The following PARM1 variants were observed in gnomAD, a reference collection of about 807,000 sequenced individuals.
PARM1 encodes the protein prostate androgen-regulated mucin-like protein 1.
Under a neutral mutation model 24.6 loss-of-function variants are expected in PARM1, and 14 were observed. The observed-to-expected ratio is 0.57, with a 90% CI of 0.38 to 0.89. The LOEUF is 0.89. PARM1 is among the 40% of genes least tolerant of loss of function. PARM1 has a pLI of 0.00. For synonymous variants in PARM1, 179 were observed against 156.6 expected, an observed-to-expected ratio of 1.14 and a Z score of -1.07; for missense variants, 362 against 380.4, an observed-to-expected ratio of 0.95 and a Z score of 0.40.
At chr4:74,983,262 C>T (rs2109773815) in intron 1 of PARM1, among the ~76,000 whole-genome samples, 1 of 152,252 alleles carries the variant, frequency 6.6e-6, no homozygotes, top group South Asian at 2.1e-4. Flanking sequence ...ATAGGTTTTT[C>T]AGAAAACTAA....
chr4:74,955,779 A>C (rs1452646491), intron 1 of PARM1, among the ~76,000 whole-genome samples: 1 of 152,256 alleles, frequency 6.6e-6, no homozygotes, highest in Non-Finnish European at 1.5e-5. Context: ...CAGAATGCTC[A>C]GGTATGTCAG....
chr4:75,010,754 A>G (rs1212709044), intron 1 of PARM1, among the ~76,000 whole-genome samples: 2 of 152,228 alleles, frequency 1.3e-5, no homozygotes, highest in Non-Finnish European at 2.9e-5. Context: ...ACTGCTATAA[A>G]AGATCATGCT....
intron 3 of PARM1, among the ~76,000 whole-genome samples, chr4:75,040,107 T>G (rs1362567173): frequency 6.6e-6 from 1 of 152,230 alleles, no homozygotes; most frequent in African/African-American, 2.4e-5. Flanking sequence ...ATTTATTGGA[T>G]GAGTTCATGA....
chr4:74,963,673 G>A (rs1022220952), intron 1 of PARM1, among the ~76,000 whole-genome samples: 1 of 152,154 alleles, frequency 6.6e-6, no homozygotes, highest in Non-Finnish European at 1.5e-5. Context: ...AGGAGTGATT[G>A]CTTAATGGTA....
chr4:74,992,898 G>A (rs769758292), intron 1 of PARM1, among the ~76,000 whole-genome samples: 3 of 152,136 alleles, frequency 2.0e-5, no homozygotes, highest in Non-Finnish European at 4.4e-5. Context: ...AAGGAGTGAA[G>A]TGCTCCAGAA....
At chr4:75,023,739 T>C (rs1301394579) in intron 2 of PARM1, among the ~76,000 whole-genome samples, 1 of 152,078 alleles carries the variant, frequency 6.6e-6, no homozygotes, top group Non-Finnish European at 1.5e-5. Flanking sequence ...TCCAAACAAC[T>C]GAAGATTTCT....
At chr4:75,023,634 TC>T (rs1157848581) in intron 2 of PARM1, among the ~76,000 whole-genome samples, 1 of 152,088 alleles carries the variant, frequency 6.6e-6, no homozygotes, top group East Asian at 1.9e-4. Context: ...AAAAGCATAG[TC>T]CAAAAAGTAT....
chr4:75,043,450 CAG>C (rs1302818539), intron 3 of PARM1, among the ~76,000 whole-genome samples: 7 of 151,962 alleles, frequency 4.6e-5, no homozygotes, highest in Non-Finnish European at 7.4e-5. Context: ...GATGAAGAAA[CAG>C]GGGGTTAAAA....
chr4:75,000,648 A>T (rs1333771594), intron 1 of PARM1, among the ~76,000 whole-genome samples: 1 of 152,238 alleles, frequency 6.6e-6, no homozygotes, highest in African/African-American at 2.4e-5. Context: ...ATGTTCCATC[A>T]ATCTCATTTC....
At chr4:74,945,327 T>A (rs762079509) in intron 1 of PARM1, among the ~76,000 whole-genome samples, 1 of 152,198 alleles carries the variant, frequency 6.6e-6, no homozygotes, top group Non-Finnish European at 1.5e-5. Flanking sequence ...ATTTTAAAAG[T>A]TGAGATATTA....
intron 1 of PARM1, among the ~76,000 whole-genome samples, chr4:74,990,566 G>A (rs1722447891): frequency 6.6e-6 from 1 of 152,102 alleles, no homozygotes; most frequent in Non-Finnish European, 1.5e-5. Context: ...TCCAAGAGAC[G>A]AGAACTTAGG....
At chr4:74,948,166 A>T (rs1460554783) in intron 1 of PARM1, among the ~76,000 whole-genome samples, 1 of 152,182 alleles carries the variant, frequency 6.6e-6, no homozygotes, top group African/African-American at 2.4e-5. Context: ...CAGCTTTTAG[A>T]GAACAGAGGT....
intron 1 of PARM1, among the ~76,000 whole-genome samples, chr4:74,996,507 G>A (rs1439446156): frequency 1.3e-5 from 2 of 152,204 alleles, no homozygotes; most frequent in African/African-American, 4.8e-5. Flanking sequence ...GCAGTGGGGA[G>A]TTGCTTAGTG....
At chr4:74,953,530 C>T (rs1475040537) in intron 1 of PARM1, among the ~76,000 whole-genome samples, 5 of 152,162 alleles carry the variant, frequency 3.3e-5, no homozygotes, top group Non-Finnish European at 5.9e-5. Context: ...GACCCAACAT[C>T]GGTGCCCAGG....
chr4:74,961,583 A>G (rs1453711614), intron 1 of PARM1, among the ~76,000 whole-genome samples: 1 of 152,216 alleles, frequency 6.6e-6, no homozygotes, highest in Non-Finnish European at 1.5e-5. Flanking sequence ...CTTGTCACAT[A>G]TAAGGGATTC....
intron 1 of PARM1, among the ~76,000 whole-genome samples, chr4:74,998,574 G>A (rs1722618746): frequency 6.6e-6 from 1 of 152,080 alleles, no homozygotes; most frequent in Non-Finnish European, 1.5e-5. Context: ...GATTTCAACT[G>A]ATTTAGTTCA....
At chr4:74,998,195 A>T (rs1459746031) in intron 1 of PARM1, among the ~76,000 whole-genome samples, 1 of 152,220 alleles carries the variant, frequency 6.6e-6, no homozygotes, top group Non-Finnish European at 1.5e-5. Context: ...AGAGATACTG[A>T]CAGTTGCAGC....
chr4:74,963,161 T>TC (rs1721815527), intron 1 of PARM1, among the ~76,000 whole-genome samples: 1 of 152,194 alleles, frequency 6.6e-6, no homozygotes, highest in Non-Finnish European at 1.5e-5. Flanking sequence ...GATCTGTGAG[T>TC]CAATCAAACC....
chr4:74,942,246 G>A (rs933768871), intron 1 of PARM1, among the ~76,000 whole-genome samples: 1 of 152,228 alleles, frequency 6.6e-6, no homozygotes, highest in African/African-American at 2.4e-5. Flanking sequence ...ACGTAGAACA[G>A]AGCAAGAAAC....
Sources: gnomAD v4.1 joint callset for allele counts (sites outside exome capture counted in the v4.1 genomes callset) on GRCh38, gnomAD v4.1.1 for gene constraint, MANE v1.5 for transcripts, NCBI Gene and HGNC (gene_info 2026-07-23, HGNC 2026-07-21) for gene names.